Variants in VPS35 observed in about 807,000 individuals in gnomAD.
VPS35 encodes the protein vacuolar protein sorting-associated protein 35.
A neutral mutation model predicts 98.1 loss-of-function variants in VPS35; 21 were observed. The observed-to-expected ratio is 0.21, with a 90% CI of 0.15 to 0.31. The LOEUF (loss-of-function observed/expected upper bound fraction) is 0.31. VPS35 is among the 10% of genes least tolerant of loss of function. VPS35 has a pLI of 1.00. For synonymous variants in VPS35, 268 were observed against 318.2 expected (o/e 0.84, Z 1.68); for missense variants, 554 against 950.8 (o/e 0.58, Z 5.49).
Position 46,660,191 on chromosome 16 carries a change from G to GTTTTTTTTTTT in VPS35, c.*270_*280dup, listed in dbSNP as rs59370839. 1 of 146,202 alleles carries GTTTTTTTTTTT rather than the reference G, an allele frequency of 6.8e-6. No individual in the cohort carries two copies. The highest frequency in any genetic ancestry group is 1.3e-5 in the Non-Finnish European group (1 of 74,604). The allele number at this position is 146,202 out of a possible 1,614,324, so 9.1% of individuals were successfully genotyped here. On this transcript the variant is annotated 3_prime_UTR_variant, in exon 17 of 17. Coordinates refer to ENST00000299138, the MANE Select transcript of VPS35 (RefSeq NM_018206.6). ...CAAGATAAGTGCTTGTGGGTTTTGT[G>GTTTTTTTTTTT]TTTTTTTTTTTTTTTTTTTTTACAG...
rs1966219495 is a variant in VPS35, at chr16:46,680,558, G to A, written c.506+113C>T. On this transcript the variant is annotated intron_variant, in intron 5 of 16. Coordinates refer to ENST00000299138, the MANE Select transcript of VPS35 (RefSeq NM_018206.6). ...TCTATATACAAATGCTACCTAAATG[G>A]CTGACTGGGTGGAAGAATTATTCAC... is the stretch of plus-strand genomic sequence containing the variant. 3.5e-6 allele frequency: 4 copies of A among 1,147,160 alleles called. No individual in the cohort carries two copies. In the Admixed American group the frequency reaches 6.1e-5, roughly 17 times the overall value. The allele number at this position is 1,147,160 out of a possible 1,614,324, so 71.1% of individuals were successfully genotyped here.
intron 13 of VPS35, among the ~76,000 whole-genome samples, chr16:46,664,568 C>A (rs1047753812): frequency 8.6e-5 from 13 of 151,004 alleles, no homozygotes; most frequent in Admixed American, 8.6e-4. Context: ...GTTGCCCAGG[C>A]TGGAGTGCAA....
chr16:46,688,442 T>C (rs1307470985), intron 1 of VPS35: 3 of 987,038 alleles, frequency 3.0e-6, no homozygotes, highest in Non-Finnish European at 3.6e-6. Flanking sequence ...GCAAGTCAAA[T>C]ACTTGGATTT....
In VPS35 at chr16:46,658,908, A is replaced by G. The variant is rs2143005303; in HGVS notation, c.*1564T>C. The G allele has an allele frequency of 6.6e-6, 1 of 152,340 alleles. No individual in the cohort carries two copies. The highest frequency in any genetic ancestry group is 1.9e-4 in the East Asian group (1 of 5,188). The allele number at this position is 152,340 out of a possible 1,614,324, so 9.4% of individuals were successfully genotyped here. On this transcript the variant is annotated 3_prime_UTR_variant, in exon 17 of 17. Transcript: ENST00000299138. ...GAAAATGTCTATAAATTTTCCCTTT[A>G]AGAGGTGGAGCTTAATTCTCCTTAC...
At chr16:46,675,268 T>C (rs1190076790) in intron 8 of VPS35, among the ~76,000 whole-genome samples, 1 of 152,096 alleles carries the variant, frequency 6.6e-6, no homozygotes, top group Non-Finnish European at 1.5e-5. Context: ...ACAACCATGA[T>C]TTAAATAAAT....
intron 13 of VPS35, among the ~76,000 whole-genome samples, chr16:46,666,121 C>A: frequency 6.6e-6 from 1 of 151,808 alleles, no homozygotes; most frequent in Non-Finnish European, 1.5e-5. Context: ...CCAGGCTGGT[C>A]TCAAACTCCT....
intron 13 of VPS35, 37 bp from the exon 14 acceptor site, chr16:46,663,199 T>C (rs756223747): frequency 1.3e-6 from 2 of 1,573,950 alleles, no homozygotes; most frequent in South Asian, 2.3e-5. Context: ...TACCTTAAAT[T>C]CAAAATTAAC....
intron 13 of VPS35, among the ~76,000 whole-genome samples, chr16:46,667,938 A>T (rs1243764428): frequency 6.6e-6 from 1 of 152,172 alleles, no homozygotes; most frequent in Non-Finnish European, 1.5e-5. Flanking sequence ...TGGCTTTGTA[A>T]TGTAGGCTGG....
intron 8 of VPS35, 60 bp downstream of exon 8, chr16:46,676,523 T>A: frequency 1.9e-6 from 2 of 1,031,160 alleles, no homozygotes; most frequent in South Asian, 1.3e-5. Flanking sequence ...TTCAAAAAAA[T>A]GTTTAAAATT....
chr16:46,685,230 T>C (rs1966293110), intron 1 of VPS35, among the ~76,000 whole-genome samples: 1 of 152,208 alleles, frequency 6.6e-6, no homozygotes, highest in Non-Finnish European at 1.5e-5. Flanking sequence ...ACACAATGAG[T>C]TGAAGAGGTG....
At chr16:46,672,618 C>T in intron 10 of VPS35, 146 bp from the exon 11 acceptor site, 2 of 673,918 alleles carry the variant, frequency 3.0e-6, no homozygotes, top group Non-Finnish European at 5.1e-6. Flanking sequence ...AAGACTATAA[C>T]AACCTCCTTT....
chr16:46,689,055 G>C (rs1423871296), intron 1 of VPS35, 76 bp downstream of exon 1: 1 of 1,578,372 alleles, frequency 6.3e-7, no homozygotes, highest in Non-Finnish European at 8.6e-7. Context: ...TCCACTCGCT[G>C]GAGTGCGGGG....
rs751335821 is a variant in VPS35 at position 46,660,445 on chromosome 16, A to T, written c.*27T>A. 6.2e-7 allele frequency: 1 copy of T among 1,612,006 alleles called. No homozygotes were observed. The highest frequency in any genetic ancestry group is 1.3e-5 in the African/African-American group (1 of 75,022). On this transcript the variant is annotated 3_prime_UTR_variant, in exon 17 of 17. Transcript: ENST00000299138. ...TAAAACCCTCACTGGATGTACATGG[A>T]AAGGAGTATGGTGAGCTATTTCCTT...
chr16:46,666,720 C>T (rs1260249746), intron 13 of VPS35, among the ~76,000 whole-genome samples: 2 of 152,176 alleles, frequency 1.3e-5, no homozygotes, highest in Non-Finnish European at 2.9e-5. Flanking sequence ...CCAGATTAAT[C>T]CCTGTTGTCA....
chr16:46,676,065 C>CAAA lies in VPS35; in HGVS notation c.914+515_914+517dup, dbSNP rs369452932. Among the ~76,000 whole-genome samples, 597 of 61,454 alleles carry CAAA rather than the reference C, an allele frequency of 9.7e-3. 6 individuals are homozygous for CAAA. Among genetic ancestry groups the CAAA allele is most frequent in the African/African-American group, 0.016 (219 of 14,004 alleles). The allele number at this position is 61,454 out of a possible 152,430, so 40.3% of individuals were successfully genotyped here. A position where few individuals can be genotyped will look rare whatever the true frequency, so the allele number is the denominator to read the frequency against. ...GGGTGACAAGAGTGAGGATCTGTCT[C>CAAA]AAAAAAAAAAAAAAAAAAAAAAACC... is the stretch of plus-strand genomic sequence containing the variant. On this transcript the variant is annotated intron_variant, in intron 8 of 16. Transcript: ENST00000299138.
chr16:46,675,526 C>T (rs968087867), intron 8 of VPS35, among the ~76,000 whole-genome samples: 1 of 152,154 alleles, frequency 6.6e-6, no homozygotes, highest in Admixed American at 6.5e-5. Flanking sequence ...CAGGAAAATC[C>T]AGTTACTAGC....
Position 46,679,101 on chromosome 16 carries a change from C to A in VPS35, c.562G>T (p.Ala188Ser). The A allele has an allele frequency of 6.2e-7, 1 of 1,613,890 alleles. No homozygotes were observed. The highest frequency in any genetic ancestry group is 2.2e-5 in the East Asian group (1 of 44,882). Residue 188 changes from alanine to serine, a missense_variant, in exon 6 of 17, where the codon GCA becomes TCA. Ala to Ser is a moderately conservative substitution (Grantham distance 99). Around this residue, in one of 5 missense-constraint regions of VPS35, gnomAD observed 77 missense variants for 222.3 expected, o/e 0.35. Transcript: ENST00000299138. ...CGCACCCAGAGCTTGTTCATTTCTGCAAAGTTGAGCAGTACAAAATCCATG... is the reference window on the plus strand; with the variant it reads ...CGCACCCAGAGCTTGTTCATTTCTGAAAAGTTGAGCAGTACAAAATCCATG... ...DSMDFVLLNF[A>S]EMNKLWVRMQ...
chr16:46,674,283 G>A (rs1966110225), intron 10 of VPS35, 31 bp downstream of exon 10: 2 of 1,612,102 alleles, frequency 1.2e-6, no homozygotes. Context: ...AAATATCTTT[G>A]AGGATTTTTA....
At chr16:46,682,216 A>C in intron 2 of VPS35, 41 bp from the exon 3 acceptor site, 1 of 1,422,080 alleles carries the variant, frequency 7.0e-7, no homozygotes, top group Non-Finnish European at 9.9e-7. Context: ...TGCTTAATTT[A>C]AATAAACATT....
Sources: allele counts gnomAD v4.1 joint callset (sites outside exome capture counted in the v4.1 genomes callset), GRCh38; gene constraint gnomAD v4.1.1; regional missense constraint gnomAD v4.1.1; transcripts MANE v1.5; gene names NCBI Gene and HGNC (gene_info 2026-07-23, HGNC 2026-07-21).